AXDND1: variants seen among roughly 807,000 people sequenced by gnomAD.
AXDND1 encodes the protein axonemal dynein light chain domain-containing protein 1.
In AXDND1, 110 loss-of-function variants were observed where a neutral mutation model predicts 137.5. The observed-to-expected ratio is 0.80, with a 90% CI of 0.69 to 0.94. AXDND1 has a LOEUF of 0.94. Ranked by LOEUF, AXDND1 falls within the 40% of genes least tolerant of loss-of-function variation. AXDND1 has a pLI of 0.00. For synonymous variants in AXDND1, 414 were observed against 399.7 expected (o/e 1.04, Z -0.43); for missense variants, 1,191 against 1,169.8 (o/e 1.02, Z -0.26).
chr1:179,489,131 G>T lies in AXDND1; in HGVS notation c.2092-2407G>T, dbSNP rs1411243997. The stretch of plus-strand genomic sequence containing the variant: ...GAAGAAGTCTTTTCACAAAAGAAAA[G>T]CAGTCAATTCATCTTAAAATGTCTT... On this transcript the variant is annotated intron_variant, in intron 18 of 25. Transcript: ENST00000367618. Among the ~76,000 whole-genome samples, 2 of 125,680 alleles carry T rather than the reference G, an allele frequency of 1.6e-5. 1 individual carries two copies. Among genetic ancestry groups the T allele is most frequent in the African/African-American group, 7.1e-5 (2 of 28,268 alleles). The allele number at this position is 125,680 out of a possible 152,430, so 82.5% of individuals were successfully genotyped here.
chr1:179,394,657 A>G (rs1206766565), intron 10 of AXDND1, among the ~76,000 whole-genome samples: 2 of 144,490 alleles, frequency 1.4e-5, no homozygotes, highest in Admixed American at 7.0e-5. Flanking sequence ...TGCCATAATT[A>G]TGGATGTTAA....
chr1:179,552,908 G>A (rs1238772325), intron 25 of AXDND1, among the ~76,000 whole-genome samples: 1 of 152,214 alleles, frequency 6.6e-6, no homozygotes, highest in African/African-American at 2.4e-5. Context: ...TAGAGCTGTA[G>A]TTTCTCATTA....
At chr1:179,506,201 A>G (rs963021149) in intron 20 of AXDND1, among the ~76,000 whole-genome samples, 2 of 152,024 alleles carry the variant, frequency 1.3e-5, no homozygotes, top group African/African-American at 4.8e-5. Flanking sequence ...AAGGACCTAG[A>G]ATTAGAGTCA....
chr1:179,386,708 C>G (rs1019707208), intron 9 of AXDND1, among the ~76,000 whole-genome samples: 1 of 151,824 alleles, frequency 6.6e-6, no homozygotes, highest in Admixed American at 6.6e-5. Flanking sequence ...TGCTTTTAAT[C>G]CTATCTAATT....
At chr1:179,424,085 A>G (rs1208626344) in intron 12 of AXDND1, among the ~76,000 whole-genome samples, 3 of 152,052 alleles carry the variant, frequency 2.0e-5, no homozygotes, top group African/African-American at 4.8e-5. Flanking sequence ...TCTCTCCTTC[A>G]TATTTAAAGA....
At chr1:179,450,513 C>T (rs753749545) in intron 16 of AXDND1, 16 of 151,390 alleles carry the variant, frequency 1.1e-4, no homozygotes, top group Non-Finnish European at 2.1e-4. Flanking sequence ...TGTTCTATTC[C>T]TATTGAATTC....
chr1:179,553,634 G>A (rs924338055), intron 25 of AXDND1, among the ~76,000 whole-genome samples: 1 of 152,198 alleles, frequency 6.6e-6, no homozygotes, highest in African/African-American at 2.4e-5. Flanking sequence ...AACAAGTACA[G>A]GCTTCCTTTC....
At chr1:179,400,031 A>G (rs935352659) in intron 11 of AXDND1, among the ~76,000 whole-genome samples, 3 of 152,230 alleles carry the variant, frequency 2.0e-5, no homozygotes, top group South Asian at 2.1e-4. Flanking sequence ...TTAAAGAACT[A>G]AAAGTAGAAC....
intron 9 of AXDND1, among the ~76,000 whole-genome samples, chr1:179,387,713 C>T (rs1649458462): frequency 6.6e-6 from 1 of 152,162 alleles, no homozygotes; most frequent in African/African-American, 2.4e-5. Context: ...CAATTTAGGG[C>T]TAATTATTTC....
At chr1:179,374,541 C>T (rs1474529845) in intron 4 of AXDND1, among the ~76,000 whole-genome samples, 1 of 152,170 alleles carries the variant, frequency 6.6e-6, no homozygotes, top group African/African-American at 2.4e-5. Flanking sequence ...TTTATTGCGG[C>T]ACTATTCACA....
At chr1:179,505,280 T>C (rs1668425226) in intron 20 of AXDND1, among the ~76,000 whole-genome samples, 1 of 146,040 alleles carries the variant, frequency 6.8e-6, no homozygotes, top group African/African-American at 2.5e-5. Flanking sequence ...TGGATGACAT[T>C]AGTGAGAGTT....
At chr1:179,503,148 G>A (rs971238459) in intron 20 of AXDND1, among the ~76,000 whole-genome samples, 63 of 150,692 alleles carry the variant, frequency 4.2e-4, no homozygotes, top group Admixed American at 4.1e-3. Context: ...TCCTCAAACT[G>A]GAAACAACTC....
At chr1:179,416,190 T>C (rs1654684379) in intron 12 of AXDND1, among the ~76,000 whole-genome samples, 1 of 152,186 alleles carries the variant, frequency 6.6e-6, no homozygotes, top group South Asian at 2.1e-4. Context: ...TTGCAATCTT[T>C]GTCTTTCTGT....
intron 25 of AXDND1, among the ~76,000 whole-genome samples, chr1:179,536,148 A>G (rs1671535190): frequency 6.6e-6 from 1 of 152,196 alleles, no homozygotes; most frequent in Non-Finnish European, 1.5e-5. Context: ...ATAGATTGCA[A>G]AAATTTTCTC....
chr1:179,490,654 C>T (rs1186462920), intron 18 of AXDND1, among the ~76,000 whole-genome samples: 3 of 152,098 alleles, frequency 2.0e-5, no homozygotes, highest in Non-Finnish European at 4.4e-5. Flanking sequence ...TACCACTTAC[C>T]AATGTAAGGC....
chr1:179,383,202 T>TG (rs202240531), intron 7 of AXDND1, among the ~76,000 whole-genome samples: 1 of 151,544 alleles, frequency 6.6e-6, no homozygotes, highest in Non-Finnish European at 1.5e-5. Context: ...GAATTTTTTT[T>TG]GGGGGGAAGC....
chr1:179,445,571 TC>T (rs1659618104), intron 16 of AXDND1, among the ~76,000 whole-genome samples: 1 of 152,176 alleles, frequency 6.6e-6, no homozygotes, highest in South Asian at 2.1e-4. Context: ...TCTATAGATT[TC>T]CCTGTTCTGG....
chr1:179,472,138 A>G (rs1033419187), intron 17 of AXDND1, among the ~76,000 whole-genome samples: 2 of 152,058 alleles, frequency 1.3e-5, no homozygotes, highest in Non-Finnish European at 2.9e-5. Flanking sequence ...CTTGTGATCC[A>G]CCCACCTTGA....
chr1:179,443,472 G>T (rs1001226647), intron 15 of AXDND1, among the ~76,000 whole-genome samples: 1 of 151,908 alleles, frequency 6.6e-6, no homozygotes, highest in Non-Finnish European at 1.5e-5. Context: ...TATTTATATT[G>T]TTGTACAACC....
Sources: allele counts gnomAD v4.1 joint callset (sites outside exome capture counted in the v4.1 genomes callset), GRCh38; gene constraint gnomAD v4.1.1; transcripts MANE v1.5; gene names NCBI Gene and HGNC (gene_info 2026-07-23, HGNC 2026-07-21).